The following DIP2A variants were observed in gnomAD, a reference collection of about 807,000 sequenced individuals.
DIP2A encodes disco-interacting protein 2 homolog A.
A neutral mutation model predicts 177.4 loss-of-function variants in DIP2A; 85 were observed. That is an observed-to-expected ratio of 0.48 (90% confidence interval 0.40 to 0.57). The LOEUF (loss-of-function observed/expected upper bound fraction) is 0.57, where lower values mean the gene tolerates loss of function less well. Among genes scored for constraint, DIP2A ranks in the 20% least tolerant of loss-of-function variants. The pLI, the probability that DIP2A is intolerant of heterozygous loss-of-function variation, is 0.00. For missense variants in DIP2A, 1,791 were observed against 2,100.2 expected (o/e 0.85, Z 2.88); for synonymous variants, 886 against 881.8 (o/e 1.00, Z -0.08).
intron 8 of DIP2A, among the ~76,000 whole-genome samples, chr21:46,516,841 A>G (rs58960215): frequency 0.076 from 11,584 of 151,730 alleles, 1,080 homozygotes; most frequent in African/African-American, 0.23. Context: ...CTTATTTTAG[A>G]TATTGCCTTT....
Position 46,557,397 on chromosome 21 carries a change from A to G in DIP2A, c.3630-188A>G. 2 of 734,482 alleles carry G rather than the reference A, an allele frequency of 2.7e-6. No homozygotes were observed. Among genetic ancestry groups the G allele is most frequent in the Non-Finnish European group, 4.3e-6 (2 of 463,130 alleles). The allele number at this position is 734,482 out of a possible 1,614,324, so 45.5% of individuals were successfully genotyped here. On this transcript the variant is annotated intron_variant, in intron 30 of 37. Transcript: ENST00000417564. The surrounding 1 kb of genome is among the most constrained non-coding windows in gnomAD (Gnocchi z 6.0). ...CCAAGTGTTCGGAGCAGAGCTCAGA[A>G]CCCCGTGCCTGCCATCCCCCAACCT...
At chr21:46,516,399 A>G (rs2148660185) in intron 8 of DIP2A, among the ~76,000 whole-genome samples, 1 of 130,516 alleles carries the variant, frequency 7.7e-6, no homozygotes, top group Non-Finnish European at 1.7e-5. Flanking sequence ...GTTCTTTTTT[A>G]TATTTTGCAT....
intron 1 of DIP2A, among the ~76,000 whole-genome samples, chr21:46,463,960 G>A (rs531815805): frequency 4.0e-5 from 6 of 151,108 alleles, no homozygotes; most frequent in South Asian, 2.1e-4. Flanking sequence ...CACCTGCCTC[G>A]GCCTCCCAAA....
chr21:46,506,541 T>A (rs950949618), intron 6 of DIP2A, among the ~76,000 whole-genome samples: 1 of 152,152 alleles, frequency 6.6e-6, no homozygotes, highest in Non-Finnish European at 1.5e-5. Context: ...GTATTATGTT[T>A]AAAAAATTTC....
At chr21:46,532,264 T>G in intron 10 of DIP2A, 27 bp downstream of exon 10, 7 of 1,589,092 alleles carry the variant, frequency 4.4e-6, no homozygotes, top group Non-Finnish European at 5.2e-6. Context: ...TCAGGTCCCG[T>G]GTGGTTCGCT....
chr21:46,525,894 ATTATTATTATT>A (rs2059057727), intron 8 of DIP2A, among the ~76,000 whole-genome samples: 1 of 144,868 alleles, frequency 6.9e-6, no homozygotes, highest in African/African-American at 2.5e-5. Context: ...TATTATTATT[ATTATTATTATT>A]ATTATTATTA....
intron 1 of DIP2A, among the ~76,000 whole-genome samples, chr21:46,472,091 T>G (rs1158308440): frequency 1.3e-5 from 2 of 152,132 alleles, no homozygotes; most frequent in Non-Finnish European, 2.9e-5. Context: ...AAGGAGATAT[T>G]TAAGATCAAA....
intron 8 of DIP2A, among the ~76,000 whole-genome samples, chr21:46,514,124 A>G (rs1045406996): frequency 2.0e-5 from 3 of 152,120 alleles, no homozygotes; most frequent in African/African-American, 7.2e-5. Flanking sequence ...TGCAATCTAT[A>G]TTATTATTAT....
At chr21:46,566,377 A>G (rs1398318960) in intron 36 of DIP2A, among the ~76,000 whole-genome samples, 183 bp from the exon 37 acceptor site, 1 of 152,152 alleles carries the variant, frequency 6.6e-6, no homozygotes, top group African/African-American at 2.4e-5. Flanking sequence ...TCCGTGCTGC[A>G]GAGATAACAG....
intron 17 of DIP2A, 23 bp from the exon 18 acceptor site, chr21:46,541,733 C>T: frequency 1.2e-6 from 2 of 1,613,674 alleles, no homozygotes; most frequent in Non-Finnish European, 1.7e-6. Flanking sequence ...GTCAGTTAAA[C>T]CCATGGTGGT....
At chr21:46,566,712 C>T (rs756441818) in intron 37 of DIP2A, 29 bp downstream of exon 37, 6 of 1,613,284 alleles carry the variant, frequency 3.7e-6, no homozygotes, top group Non-Finnish European at 5.1e-6. Flanking sequence ...GGCGGCTTCA[C>T]GTGGTCCCTC....
chr21:46,463,715 TGTGTA>T (rs1568890590), intron 1 of DIP2A, among the ~76,000 whole-genome samples: 3,020 of 129,334 alleles, frequency 0.023, 91 homozygotes, highest in African/African-American at 0.086. Flanking sequence ...TGTGTGTGTG[TGTGTA>T]TATTTTGAGA....
chr21:46,567,520 G>A lies in DIP2A; in HGVS notation c.4614G>A (p.Gly1538=), dbSNP rs776928922. The change falls in exon 38 of 38, where the codon GGG becomes GGA. Residue 1538 remains glycine, a synonymous_variant. Coordinates refer to ENST00000417564, the MANE Select transcript of DIP2A (RefSeq NM_015151.4). The part of the protein sequence containing the change: ...VVGVVVIVDP[G]VIPINSRGEK... ...GAGTGGTGGTCATCGTGGACCCAGGGGTGATCCCTATCAACTCTCGGGGTG... is the reference window on the plus strand; with the variant it reads ...GAGTGGTGGTCATCGTGGACCCAGGAGTGATCCCTATCAACTCTCGGGGTG... The A allele has an allele frequency of 6.2e-6, 10 of 1,613,780 alleles. 1 individual carries two copies. The South Asian group carries it at 1.1e-4, about 18-fold the overall frequency.
chr21:46,463,129 A>AC (rs2054469857), intron 1 of DIP2A: 2 of 152,066 alleles, frequency 1.3e-5, no homozygotes, highest in African/African-American at 4.8e-5. Flanking sequence ...CTCTTCTTAG[A>AC]CCCCCTGCCC....
rs1462391009 is a variant in DIP2A, at chr21:46,550,024, A to G, written c.2637+139A>G. Reference sequence around the variant, plus strand: ...TTGTTTATCTGTATTTTTCATTGCAAATTGACAAATTACAGCTGTATGTAT... The same window carrying G: ...TTGTTTATCTGTATTTTTCATTGCAGATTGACAAATTACAGCTGTATGTAT... On this transcript the variant is annotated intron_variant, in intron 22 of 37. Transcript: ENST00000417564. The G allele has an allele frequency of 4.0e-6, 6 of 1,487,814 alleles. No individual in the cohort carries two copies. The highest frequency in any genetic ancestry group is 4.5e-6 in the Non-Finnish European group (5 of 1,123,460). The allele number at this position is 1,487,814 out of a possible 1,614,324, so 92.2% of individuals were successfully genotyped here.
In DIP2A at chr21:46,539,953, TGCAA is replaced by T; in HGVS notation, c.2000_2003del (p.Ala667ValfsTer6). 6.2e-7 allele frequency: 1 copy of T among 1,614,066 alleles called. No homozygotes were observed. Among genetic ancestry groups the T allele is most frequent in the Non-Finnish European group, 8.5e-7 (1 of 1,179,894 alleles). ...TGAGGCCAGAGGTCATCTGTCCTTG[TGCAA>T]GTTCTCCTGAGGCGCTGACTGTCGC... is the stretch of plus-strand genomic sequence containing the variant. On this transcript the variant is annotated frameshift_variant, in exon 17 of 38. Coordinates refer to ENST00000417564, the MANE Select transcript of DIP2A (RefSeq NM_015151.4). LOFTEE classifies it high-confidence loss of function.
rs762529880 is a variant in DIP2A, at chr21:46,551,650, AAT to A, written c.2857_2858del (p.Met953AspfsTer36). 6.2e-7 allele frequency: 1 copy of A among 1,613,986 alleles called. No individual in the cohort carries two copies. The highest frequency in any genetic ancestry group is 1.7e-5 in the Admixed American group (1 of 60,024). ...CGTTTCTAGAGGTTGGACCAGCCTC[AAT>A]GATCGTGGGGAACCTGGTTGCTGGG... ...QKQPEVGPAS[M>X]IVGNLVAGKR... On this transcript the variant is annotated frameshift_variant, in exon 24 of 38. Coordinates refer to ENST00000417564, the MANE Select transcript of DIP2A (RefSeq NM_015151.4). LOFTEE classifies it high-confidence loss of function.
chr21:46,504,477 G>GA lies in DIP2A; in HGVS notation c.775dup (p.Thr259AsnfsTer37). On this transcript the variant is annotated frameshift_variant, in exon 6 of 38. Transcript: ENST00000417564. LOFTEE classifies it high-confidence loss of function. Reference sequence around the variant, plus strand: ...TCGGGGGTGCAGCGGGAGCATGCTGGAAACAGCAGATGGTGAGCCTGCCTC... The same window carrying GA: ...TCGGGGGTGCAGCGGGAGCATGCTGGAAAACAGCAGATGGTGAGCCTGCCTC... 1 of 1,609,082 alleles carries GA rather than the reference G, an allele frequency of 6.2e-7. No individual in the cohort carries two copies. The highest frequency in any genetic ancestry group is 8.5e-7 in the Non-Finnish European group (1 of 1,177,344).
At chr21:46,527,325 GTT>G (rs58453285) in intron 8 of DIP2A, among the ~76,000 whole-genome samples, 1 of 105,586 alleles carries the variant, frequency 9.5e-6, no homozygotes, top group Non-Finnish European at 1.8e-5. Flanking sequence ...TTGAGTTGAG[GTT>G]TTTTTTTTTT....
Sources: allele counts gnomAD v4.1 joint callset (sites outside exome capture counted in the v4.1 genomes callset), GRCh38; gene constraint gnomAD v4.1.1; non-coding constraint Gnocchi (gnomAD v3.1); transcripts MANE v1.5; gene names NCBI Gene and HGNC (gene_info 2026-07-23, HGNC 2026-07-21).